Variants in DIP2C observed in about 807,000 individuals in gnomAD.
DIP2C encodes the protein DIP2 acetate--CoA ligase C (putative).
In DIP2C, 33 loss-of-function variants were observed where a neutral mutation model predicts 192.4. The observed-to-expected ratio is 0.17, with a 90% CI of 0.13 to 0.23. The LOEUF (loss-of-function observed/expected upper bound fraction) is 0.23, where lower values mean the gene tolerates loss of function less well. Among genes scored for constraint, DIP2C ranks in the 10% least tolerant of loss-of-function variants. The probability of loss-of-function intolerance (pLI) is 1.00; values close to 1 mark genes in which losing one functional copy is unlikely to be tolerated. For synonymous variants in DIP2C, 979 were observed against 864.1 expected, an observed-to-expected ratio of 1.13 and a Z score of -2.33; for missense variants, 1,537 against 2,110.1, an observed-to-expected ratio of 0.73 and a Z score of 5.32.
In DIP2C at chr10:484,632, C is replaced by T. The variant is rs1843860383; in HGVS notation, c.157+1827G>A. On this transcript the variant is annotated intron_variant, in intron 2 of 36. Coordinates refer to ENST00000280886, the MANE Select transcript of DIP2C (RefSeq NM_014974.3). The stretch of plus-strand genomic sequence containing the variant: ...GACCTGGTCTCTGGCGAGCTCTGGG[C>T]CTGTGGAGCGACCTGGCTCACTGGA... 6 of 1,124,894 alleles carry T rather than the reference C, an allele frequency of 5.3e-6. No individual in the cohort carries two copies. The East Asian group carries it at 1.3e-4, about 24-fold the overall frequency. The allele number at this position is 1,124,894 out of a possible 1,614,324, so 69.7% of individuals were successfully genotyped here.
Position 344,819 on chromosome 10 carries a change from G to A in DIP2C, c.3443C>T (p.Ala1148Val). 1 of 1,590,742 alleles carries A rather than the reference G, an allele frequency of 6.3e-7. No individual in the cohort carries two copies. The highest frequency in any genetic ancestry group is 1.3e-5 in the African/African-American group (1 of 74,874). The change falls in exon 28 of 37, where the codon GCT (alanine) becomes GTT (valine). Residue 1148 changes from alanine to valine, a missense_variant. Around this residue, in one of 4 missense-constraint regions of DIP2C, gnomAD observed 341 missense variants for 551.7 expected, o/e 0.62. Coordinates refer to ENST00000280886, the MANE Select transcript of DIP2C (RefSeq NM_014974.3). Reference sequence around the variant, plus strand: ...AGCCACCCCCCTCACCTTTACGCCAGCTAGCATCCCAGTTGTGGACACGCT... The same window carrying A: ...AGCCACCCCCCTCACCTTTACGCCAACTAGCATCCCAGTTGTGGACACGCT... ...DFSVSTTGMLAGVKMSHAATS... is the reference protein window; with the variant it reads ...DFSVSTTGMLVGVKMSHAATS...
intron 1 of DIP2C, among the ~76,000 whole-genome samples, chr10:611,756 T>C (rs139095655): frequency 3.3e-5 from 5 of 152,344 alleles, no homozygotes; most frequent in Admixed American, 3.3e-4. Context: ...CAGGGGCTCT[T>C]GTTCTCCCAG....
At chr10:407,104 C>T (rs998299264) in intron 9 of DIP2C, among the ~76,000 whole-genome samples, 2 of 152,194 alleles carry the variant, frequency 1.3e-5, no homozygotes, top group Admixed American at 6.5e-5. Flanking sequence ...TCCAGTCTCC[C>T]GCACAGCCAG....
At chr10:463,531 G>C (rs1325237209) in intron 3 of DIP2C, among the ~76,000 whole-genome samples, 1 of 152,146 alleles carries the variant, frequency 6.6e-6, no homozygotes, top group Non-Finnish European at 1.5e-5. Context: ...CCATGCTCAT[G>C]GATAGGAAGA....
At chr10:438,428 C>T (rs944908397) in intron 4 of DIP2C, among the ~76,000 whole-genome samples, 3 of 152,138 alleles carry the variant, frequency 2.0e-5, no homozygotes, top group African/African-American at 7.2e-5. Context: ...AGAACACATA[C>T]AAATAACATT....
intron 1 of DIP2C, among the ~76,000 whole-genome samples, chr10:573,933 T>C (rs777228344): frequency 3.9e-5 from 6 of 152,222 alleles, no homozygotes; most frequent in Non-Finnish European, 8.8e-5. Flanking sequence ...CATCACAGAC[T>C]AGAGCGTGAC....
At chr10:292,192 C>A (rs372621742) in intron 32 of DIP2C, among the ~76,000 whole-genome samples, 1 of 152,244 alleles carries the variant, frequency 6.6e-6, no homozygotes, top group African/African-American at 2.4e-5. Flanking sequence ...TTTCTTGCTG[C>A]CTCCAACGTG....
At chr10:594,466 A>G (rs544964215) in intron 1 of DIP2C, among the ~76,000 whole-genome samples, 3 of 151,494 alleles carry the variant, frequency 2.0e-5, no homozygotes, top group African/African-American at 4.8e-5. Flanking sequence ...CCGAGTACAA[A>G]CCATTTCAAC....
chr10:537,766 T>C (rs1382217330), intron 1 of DIP2C, among the ~76,000 whole-genome samples: 1 of 151,832 alleles, frequency 6.6e-6, no homozygotes, highest in African/African-American at 2.4e-5. Flanking sequence ...TCTCCCTAAA[T>C]ATCGAGCAGT....
chr10:351,727 T>C (rs1370897726), intron 24 of DIP2C, among the ~76,000 whole-genome samples: 15 of 152,162 alleles, frequency 9.9e-5, no homozygotes, highest in African/African-American at 3.6e-4. Flanking sequence ...AGAAGACAGA[T>C]TTGGGGGCCT....
intron 1 of DIP2C, chr10:650,469 G>T: frequency 1.4e-6 from 1 of 705,622 alleles, no homozygotes. Flanking sequence ...TCGTTCCTAA[G>T]AGAGTCCACG....
intron 1 of DIP2C, among the ~76,000 whole-genome samples, chr10:577,683 G>A (rs1026342032): frequency 2.0e-5 from 3 of 152,156 alleles, no homozygotes; most frequent in African/African-American, 7.2e-5. Flanking sequence ...ACTAATACAA[G>A]GTTTTGCTTT....
At chr10:537,938 C>A (rs774638269) in intron 1 of DIP2C, among the ~76,000 whole-genome samples, 1 of 151,888 alleles carries the variant, frequency 6.6e-6, no homozygotes, top group Non-Finnish European at 1.5e-5. Flanking sequence ...TACAGGCACG[C>A]GCCACCATGC....
intron 1 of DIP2C, among the ~76,000 whole-genome samples, chr10:503,712 G>A (rs866008229): frequency 6.6e-6 from 1 of 152,168 alleles, no homozygotes; most frequent in African/African-American, 2.4e-5. Context: ...CAAACACCGA[G>A]TTAACGTTTG....
intron 1 of DIP2C, among the ~76,000 whole-genome samples, chr10:610,938 C>G (rs1055055327): frequency 6.8e-6 from 1 of 147,370 alleles, no homozygotes; most frequent in African/African-American, 2.6e-5. Flanking sequence ...GTTTCTAACC[C>G]CCCCGTGTTG....
chr10:576,473 T>C (rs1205848669), intron 1 of DIP2C, among the ~76,000 whole-genome samples: 1 of 152,228 alleles, frequency 6.6e-6, no homozygotes, highest in African/African-American at 2.4e-5. Flanking sequence ...CGGCATTCCT[T>C]CAGAAACAAT....
chr10:493,918 C>A (rs573140803), intron 1 of DIP2C, among the ~76,000 whole-genome samples: 1 of 152,332 alleles, frequency 6.6e-6, no homozygotes, highest in South Asian at 2.1e-4. Context: ...ACCGCCTGGC[C>A]CAGTGCCGCC....
chr10:395,847 C>T (rs1199132759), intron 10 of DIP2C, among the ~76,000 whole-genome samples: 1 of 152,220 alleles, frequency 6.6e-6, no homozygotes, highest in Non-Finnish European at 1.5e-5. Flanking sequence ...CAGTCACTGA[C>T]ACGTAAGTCC....
intron 1 of DIP2C, among the ~76,000 whole-genome samples, chr10:541,000 ATGCTGGGGAGCCACAACACCCG>A (rs1467697617): frequency 4.8e-5 from 7 of 147,316 alleles, no homozygotes; most frequent in Non-Finnish European, 7.5e-5. Flanking sequence ...ACAACACCCG[ATGCTGGGGAGCCACAACACCCG>A]ATGCTGGGGA....
Sources: allele counts gnomAD v4.1 joint callset (sites outside exome capture counted in the v4.1 genomes callset), GRCh38; gene constraint gnomAD v4.1.1; regional missense constraint gnomAD v4.1.1; transcripts MANE v1.5; gene names NCBI Gene and HGNC (gene_info 2026-07-23, HGNC 2026-07-21).